The following AFG1L variants were observed in gnomAD, a reference collection of about 807,000 sequenced individuals.
AFG1L encodes the protein AFG1 like ATPase, also known as AFG1-like ATPase.
In AFG1L, 53 loss-of-function variants were observed where a neutral mutation model predicts 62.2. The observed-to-expected ratio is 0.85, with a 90% CI of 0.68 to 1.07. The LOEUF is 1.07. AFG1L is among the 50% of genes least tolerant of loss of function. The pLI, the probability that AFG1L is intolerant of heterozygous loss-of-function variation, is 0.00. For synonymous variants in AFG1L, 228 were observed against 210.3 expected (o/e 1.08, Z -0.73); for missense variants, 555 against 590.5 (o/e 0.94, Z 0.62).
At chr6:108,413,626 C>T (rs1478281682) in intron 7 of AFG1L, among the ~76,000 whole-genome samples, 1 of 152,196 alleles carries the variant, frequency 6.6e-6, no homozygotes, top group African/African-American at 2.4e-5. Context: ...CTCAAAACCA[C>T]TCAAGTACAT....
At chr6:108,456,811 T>C (rs1370838324) in intron 8 of AFG1L, among the ~76,000 whole-genome samples, 1 of 152,184 alleles carries the variant, frequency 6.6e-6, no homozygotes, top group Non-Finnish European at 1.5e-5. Context: ...CATAAGATTA[T>C]AATACTGTAT....
chr6:108,399,275 C>A (rs761584679), intron 6 of AFG1L, among the ~76,000 whole-genome samples: 1 of 148,284 alleles, frequency 6.7e-6, no homozygotes, highest in African/African-American at 2.5e-5. Flanking sequence ...GCAACCTCCG[C>A]CTCCTGGGTT....
intron 5 of AFG1L, among the ~76,000 whole-genome samples, chr6:108,363,751 C>T (rs546198972): frequency 6.6e-6 from 1 of 150,600 alleles, no homozygotes; most frequent in South Asian, 2.1e-4. Flanking sequence ...ATGCAAAATT[C>T]TCCTCTATCA....
chr6:108,425,297 T>TA (rs1237817931), intron 7 of AFG1L, among the ~76,000 whole-genome samples: 1 of 152,176 alleles, frequency 6.6e-6, no homozygotes, highest in East Asian at 1.9e-4. Flanking sequence ...GGATGGTTGT[T>TA]CACACTTTTT....
chr6:108,428,887 A>C (rs1205844247), intron 7 of AFG1L, among the ~76,000 whole-genome samples: 1 of 151,274 alleles, frequency 6.6e-6, no homozygotes, highest in Non-Finnish European at 1.5e-5. Flanking sequence ...TTGTCTGTTT[A>C]CTCTAATGAT....
chr6:108,422,477 C>CAAAGAAAAAAAAAA (rs1770635706), intron 7 of AFG1L, among the ~76,000 whole-genome samples: 1 of 45,798 alleles, frequency 2.2e-5, no homozygotes, highest in Non-Finnish European at 3.7e-5. Flanking sequence ...TAGTCCTCAG[C>CAAAGAAAAAAAAAA]AAAAAAAAAA....
chr6:108,337,146 A>G (rs1778504463), intron 2 of AFG1L, among the ~76,000 whole-genome samples: 1 of 152,326 alleles, frequency 6.6e-6, no homozygotes, highest in South Asian at 2.1e-4. Context: ...AGTGCAAGAT[A>G]TGACATTTTT....
chr6:108,416,663 T>C (rs964875269), intron 7 of AFG1L, among the ~76,000 whole-genome samples: 1 of 151,970 alleles, frequency 6.6e-6, no homozygotes, highest in Non-Finnish European at 1.5e-5. Context: ...TCTGAGCAAA[T>C]TATCATAAGG....
At chr6:108,346,366 CT>C (rs879650858) in intron 2 of AFG1L, among the ~76,000 whole-genome samples, 178 of 146,086 alleles carry the variant, frequency 1.2e-3, no homozygotes, top group Non-Finnish European at 1.2e-3. Flanking sequence ...CCTTTTTCTA[CT>C]TTTTTTTTTT....
At chr6:108,455,224 T>C (rs1052572527) in intron 8 of AFG1L, among the ~76,000 whole-genome samples, 1 of 152,122 alleles carries the variant, frequency 6.6e-6, no homozygotes, top group Non-Finnish European at 1.5e-5. Context: ...AATAATCCAG[T>C]GTAGGAGAAT....
rs1303761138 is a variant in AFG1L at position 108,295,116 on chromosome 6, C to T, written c.37C>T (p.Pro13Ser). 1.9e-6 allele frequency: 3 copies of T among 1,611,472 alleles called. No homozygotes were observed. The highest frequency in any genetic ancestry group is 2.2e-5 in the East Asian group (1 of 44,882). ...CTGGTCGCTCTTGGTTACCCTGCGC[C>T]CCTTAGCACAGAGCCCGCTGAGAGG... The part of the protein sequence containing the change: ...ASWSLLVTLR[P>S]LAQSPLRGRC... The change falls in exon 1 of 13, where the codon CCC becomes TCC. Residue 13 changes from proline (P) to serine (S), a missense_variant. Physicochemically the swap from Pro to Ser is moderately conservative, Grantham distance 74. Transcript: ENST00000368977.
chr6:108,424,028 A>G (rs1770711316), intron 7 of AFG1L, among the ~76,000 whole-genome samples: 1 of 152,126 alleles, frequency 6.6e-6, no homozygotes, highest in Non-Finnish European at 1.5e-5. Flanking sequence ...ATATGCATGC[A>G]TGTATGTGTG....
rs536251593 is a variant in AFG1L at position 108,481,971 on chromosome 6, C to T, written c.1062+4679C>T. On this transcript the variant is annotated intron_variant, in intron 10 of 12. Transcript: ENST00000368977. Reference sequence around the variant, plus strand: ...CTGTCATTTCAAGGAAAACAACTGACAATATTTGTTGCCAGTGATAAAATT... The same window carrying T: ...CTGTCATTTCAAGGAAAACAACTGATAATATTTGTTGCCAGTGATAAAATT... 5.3e-5 allele frequency among the ~76,000 whole-genome samples: 8 copies of T among 152,236 alleles called. No individual in the cohort carries two copies. In the South Asian group the frequency reaches 1.7e-3, roughly 32 times the overall value.
At chr6:108,371,824 A>G (rs1780021075) in intron 6 of AFG1L, among the ~76,000 whole-genome samples, 1 of 151,988 alleles carries the variant, frequency 6.6e-6, no homozygotes, top group African/African-American at 2.4e-5. Flanking sequence ...GGGTATGATT[A>G]TGGCTTGCTG....
At position 108,456,306 on chromosome 6, in the gene AFG1L, A is replaced by G. The variant is rs114936101; in HGVS notation, c.890+9010A>G. On this transcript the variant is annotated intron_variant, in intron 8 of 12. Coordinates refer to ENST00000368977, the MANE Select transcript of AFG1L (RefSeq NM_145315.5). The stretch of plus-strand genomic sequence containing the variant: ...TTCTCATCTTTTTTACTTTCAGCCT[A>G]TCTGTGTCTTTATATTAAAATGGGT... 6.0e-3 allele frequency among the ~76,000 whole-genome samples: 906 copies of G among 152,104 alleles called. 13 individuals are homozygous for G. Among genetic ancestry groups the G allele is most frequent in the African/African-American group, 0.021 (868 of 41,520 alleles).
intron 2 of AFG1L, among the ~76,000 whole-genome samples, chr6:108,327,964 C>T (rs77200667): frequency 1.3e-3 from 205 of 152,292 alleles, no homozygotes; most frequent in African/African-American, 4.7e-3. Context: ...GGCAGTTGCT[C>T]TCAGAAGTGG....
intron 8 of AFG1L, among the ~76,000 whole-genome samples, chr6:108,457,667 AC>A (rs1197047253): frequency 1.3e-5 from 2 of 152,048 alleles, no homozygotes; most frequent in African/African-American, 4.8e-5. Flanking sequence ...TAATTTACCT[AC>A]ATATTTACTA....
At chr6:108,505,168 C>G (rs1351345851) in intron 10 of AFG1L, among the ~76,000 whole-genome samples, 3 of 150,674 alleles carry the variant, frequency 2.0e-5, no homozygotes, top group Non-Finnish European at 1.5e-5. Flanking sequence ...GATCTCAGCT[C>G]CCTGCAACCT....
chr6:108,340,395 G>A (rs966128382), intron 2 of AFG1L, among the ~76,000 whole-genome samples: 38 of 141,976 alleles, frequency 2.7e-4, no homozygotes, highest in East Asian at 4.1e-4. Flanking sequence ...ATGGAGTCTC[G>A]CTCTGTTGTC....
Sources: allele counts gnomAD v4.1 joint callset (sites outside exome capture counted in the v4.1 genomes callset), GRCh38; gene constraint gnomAD v4.1.1; transcripts MANE v1.5; gene names NCBI Gene and HGNC (gene_info 2026-07-23, HGNC 2026-07-21).